The following AKAP8L variants were observed in gnomAD, a reference collection of about 807,000 sequenced individuals.
AKAP8L encodes A-kinase anchor protein 8-like.
Under a neutral mutation model 77.5 loss-of-function variants are expected in AKAP8L, and 34 were observed. That is an observed-to-expected ratio of 0.44 (90% CI 0.33 to 0.58). The LOEUF is 0.58. AKAP8L is among the 20% of genes least tolerant of loss of function. The pLI, the probability that AKAP8L is intolerant of heterozygous loss-of-function variation, is 0.02. For missense variants in AKAP8L, 806 were observed against 887.6 expected (o/e 0.91, Z 1.17); for synonymous variants, 342 against 340.7 (o/e 1.00, Z -0.04).
intron 1 of AKAP8L, 117 bp downstream of exon 1, chr19:15,418,794 G>T: frequency 9.8e-7 from 1 of 1,021,790 alleles, no homozygotes; most frequent in Non-Finnish European, 1.4e-6. Context: ...GCCATTTTGT[G>T]ACCGCAGGGA....
chr19:15,401,337 T>C lies in AKAP8L; in HGVS notation c.629A>G (p.Gln210Arg). 3 of 1,613,440 alleles carry C rather than the reference T, an allele frequency of 1.9e-6. No individual in the cohort carries two copies. The highest frequency in any genetic ancestry group is 2.5e-6 in the Non-Finnish European group (3 of 1,179,866). The change falls in exon 5 of 14, where the codon CAG becomes CGG. Residue 210 changes from glutamine (Q) to arginine (R), a missense_variant. Physicochemically the swap from Gln to Arg is conservative, Grantham distance 43. Transcript: ENST00000397410. The surrounding 1 kb of genome is among the most constrained non-coding windows in gnomAD (Gnocchi z 6.2). ...MWEDPMGARG[Q>R]CMSGASRLPS... ...CAGCCGAGAGGCACCAGACATGCAC[T>C]GGCCCCGGGCCCCCATGGGGTCTTC...
At chr19:15,394,400 A>C (rs2145122144) in intron 12 of AKAP8L, among the ~76,000 whole-genome samples, 1 of 152,302 alleles carries the variant, frequency 6.6e-6, no homozygotes, top group South Asian at 2.1e-4. Flanking sequence ...GTAGCTGCCT[A>C]AGGCTGGAGG....
chr19:15,415,642 C>T (rs1223502535), intron 1 of AKAP8L, among the ~76,000 whole-genome samples: 5 of 152,068 alleles, frequency 3.3e-5, no homozygotes, highest in South Asian at 2.1e-4. Context: ...ATCCCAGCAC[C>T]TTGGGAGGCC....
At position 15,380,542 on chromosome 19, in the gene AKAP8L, C is replaced by T. The variant is rs1172186914; in HGVS notation, c.1607G>A (p.Ser536Asn). The T allele has an allele frequency of 6.2e-6, 10 of 1,613,818 alleles. No homozygotes were observed. Among genetic ancestry groups the T allele is most frequent in the Admixed American group, 1.7e-5 (1 of 60,004 alleles). The stretch of plus-strand genomic sequence containing the variant: ...CTTCAGGTAGCGCTCCAGCTTCTTG[C>T]TGATGAGCTTGTTGTTGAGAATACT... ...ARSILNNKLI[S>N]KKLERYLKGE... The change falls in exon 13 of 14, where the codon AGC (serine) becomes AAC (asparagine). Residue 536 changes from serine to asparagine, a missense_variant. Transcript: ENST00000397410.
chr19:15,413,743 G>C (rs775310824), intron 1 of AKAP8L, among the ~76,000 whole-genome samples: 1 of 152,136 alleles, frequency 6.6e-6, no homozygotes, highest in African/African-American at 2.4e-5. Flanking sequence ...TCAGCAATTG[G>C]GCCACCAGTA....
At chr19:15,389,827 A>G (rs912620235) in intron 12 of AKAP8L, among the ~76,000 whole-genome samples, 1 of 152,190 alleles carries the variant, frequency 6.6e-6, no homozygotes, top group African/African-American at 2.4e-5. Context: ...AGAGATGCAC[A>G]AAGACATAAT....
intron 12 of AKAP8L, chr19:15,383,472 G>C (rs995875948): frequency 5.9e-5 from 9 of 151,662 alleles, no homozygotes; most frequent in African/African-American, 1.9e-4. Flanking sequence ...GGGATTGCAG[G>C]TGTGAGCCAC....
Position 15,418,952 on chromosome 19 carries a change from G to A in AKAP8L, c.-29C>T, listed in dbSNP as rs772585423. 5 of 1,603,866 alleles carry A rather than the reference G, an allele frequency of 3.1e-6. No individual in the cohort carries two copies. Among genetic ancestry groups the A allele is most frequent in the African/African-American group, 2.7e-5 (2 of 74,914 alleles). On this transcript the variant is annotated 5_prime_UTR_variant, in exon 1 of 14. Transcript: ENST00000397410. Reference sequence around the variant, plus strand: ...GGCGGGCAACACAACATCCGACGACGCCGGCTTCTGCTGCTCTGAACATCC... The same window carrying A: ...GGCGGGCAACACAACATCCGACGACACCGGCTTCTGCTGCTCTGAACATCC...
rs955414140 is a variant in AKAP8L, at chr19:15,418,433, A to G, written c.13+478T>C. Among the ~76,000 whole-genome samples the G allele has an allele frequency of 6.1e-5, 9 of 148,176 alleles. No individual in the cohort carries two copies. The East Asian group carries it at 1.1e-3, about 17-fold the overall frequency. On this transcript the variant is annotated intron_variant, in intron 1 of 13. Coordinates refer to ENST00000397410, the MANE Select transcript of AKAP8L (RefSeq NM_014371.4). ...CTGGCGCCTTTCCCAGTTCTGAAATAGACAAAAGGGGGTGGTGGGTGGGAT... is the reference window on the plus strand; with the variant it reads ...CTGGCGCCTTTCCCAGTTCTGAAATGGACAAAAGGGGGTGGTGGGTGGGAT...
At chr19:15,382,230 C>T (rs1182689463) in intron 12 of AKAP8L, among the ~76,000 whole-genome samples, 5 of 138,622 alleles carry the variant, frequency 3.6e-5, no homozygotes, top group African/African-American at 5.5e-5. Context: ...TTTTTTAAGA[C>T]AGTCTCGCTC....
chr19:15,401,468 G>A lies in AKAP8L; in HGVS notation c.498C>T (p.Asp166=), dbSNP rs373765827. The A allele has an allele frequency of 6.2e-7, 1 of 1,613,694 alleles. No individual in the cohort carries two copies. The highest frequency in any genetic ancestry group is 8.5e-7 in the Non-Finnish European group (1 of 1,179,906). ...TGTCGTTGCCACGCATGCGGAACTGGTCGCGGTAGGCATCGTATTGGCCCT... is the reference window on the plus strand; with the variant it reads ...TGTCGTTGCCACGCATGCGGAACTGATCGCGGTAGGCATCGTATTGGCCCT... ...AYEGQYDAYR[D]QFRMRGNDTF... Residue 166 remains aspartate (D), a synonymous_variant, in exon 5 of 14, where the codon GAC becomes GAT. Transcript: ENST00000397410. This position sits in a 1 kb window ranked among gnomAD's most constrained non-coding sequence, Gnocchi z 6.2.
chr19:15,400,293 A>G lies in AKAP8L; in HGVS notation c.1048+2T>C. On this transcript the variant is annotated splice_donor_variant, in intron 8 of 13. Coordinates refer to ENST00000397410, the MANE Select transcript of AKAP8L (RefSeq NM_014371.4). LOFTEE classifies it high-confidence loss of function. ...AGCACCAGGCACCCCAGGAAAACTC[A>G]CCCTTCTCTGGATCCTCTTTGCCTT... is the stretch of plus-strand genomic sequence containing the variant. 2 of 1,608,260 alleles carry G rather than the reference A, an allele frequency of 1.2e-6. No homozygotes were observed. Among genetic ancestry groups the G allele is most frequent in the Non-Finnish European group, 1.7e-6 (2 of 1,177,736 alleles).
rs1438669365 is a variant in AKAP8L at position 15,403,526 on chromosome 19, T to A, written c.311A>T (p.His104Leu). The change falls in exon 4 of 14, where the codon CAT becomes CTT. Residue 104 changes from histidine (H) to leucine (L), a missense_variant. Coordinates refer to ENST00000397410, the MANE Select transcript of AKAP8L (RefSeq NM_014371.4). The surrounding 1 kb of genome is among the most constrained non-coding windows in gnomAD (Gnocchi z 4.3). The part of the protein sequence containing the change: ...RINQRLDMVP[H>L]LETDMMQGGV... ...TCCTTGCATCATGTCTGTCTCCAAATGCGGCACCATATCTAAGCGCTGGTT... is the reference window on the plus strand; with the variant it reads ...TCCTTGCATCATGTCTGTCTCCAAAAGCGGCACCATATCTAAGCGCTGGTT... 1 of 1,613,826 alleles carries A rather than the reference T, an allele frequency of 6.2e-7. No individual in the cohort carries two copies. The highest frequency in any genetic ancestry group is 1.3e-5 in the African/African-American group (1 of 74,892).
rs1011614619 is a variant in AKAP8L, at chr19:15,399,156, C to T, written c.1157+146G>A. 9.8e-6 allele frequency: 7 copies of T among 710,966 alleles called. No individual in the cohort carries two copies. The highest frequency in any genetic ancestry group is 3.5e-5 in the South Asian group (2 of 57,264). 44.0% of individuals were successfully genotyped at this position (710,966 alleles called of 1,614,324 possible). On this transcript the variant is annotated intron_variant, in intron 9 of 13. Coordinates refer to ENST00000397410, the MANE Select transcript of AKAP8L (RefSeq NM_014371.4). This position sits in a 1 kb window ranked among gnomAD's most constrained non-coding sequence, Gnocchi z 6.1. Reference sequence around the variant, plus strand: ...GTCAGGCCTTGGGAGCTGGGCCTGGCGGGAAGCAGGGTCCATGCACGGCCG... The same window carrying T: ...GTCAGGCCTTGGGAGCTGGGCCTGGTGGGAAGCAGGGTCCATGCACGGCCG...
rs1419175359 is a variant in AKAP8L at position 15,403,554 on chromosome 19, T to C, written c.283A>G (p.Ile95Val). 1.2e-6 allele frequency: 2 copies of C among 1,613,858 alleles called. No individual in the cohort carries two copies. The highest frequency in any genetic ancestry group is 8.5e-7 in the Non-Finnish European group (1 of 1,179,900). The change falls in exon 4 of 14, where the codon ATT becomes GTT. Residue 95 changes from isoleucine to valine, a missense_variant. Around this residue, in one of 2 missense-constraint regions of AKAP8L, gnomAD observed 580 missense variants for 694.1 expected, o/e 0.84. Transcript: ENST00000397410. This position sits in a 1 kb window ranked among gnomAD's most constrained non-coding sequence, Gnocchi z 4.3. ...SASADSVLSR[I>V]NQRLDMVPHL... The stretch of plus-strand genomic sequence containing the variant: ...GGCACCATATCTAAGCGCTGGTTAA[T>C]TCTGGATAAAACGGAATCGGCACTG...
At chr19:15,414,767 C>G (rs373558823) in intron 1 of AKAP8L, among the ~76,000 whole-genome samples, 217 of 152,186 alleles carry the variant, frequency 1.4e-3, no homozygotes, top group Non-Finnish European at 2.2e-3. Context: ...GGATTACAGG[C>G]GTGAGCCACC....
intron 2 of AKAP8L, among the ~76,000 whole-genome samples, chr19:15,406,362 G>GGGGAGAGAGAGAGAGAGAGAGAGA (rs1555700853): frequency 1.1e-5 from 1 of 89,380 alleles, no homozygotes; most frequent in African/African-American, 5.1e-5. Flanking sequence ...GAAATTTTAA[G>GGGGAGAGAGAGAGAGAGAGAGAGA]GAGAGAGAGA....
intron 7 of AKAP8L, 93 bp downstream of exon 7, chr19:15,400,701 C>G (rs753658875): frequency 7.0e-7 from 1 of 1,438,432 alleles, no homozygotes; most frequent in Non-Finnish European, 9.7e-7. Context: ...GCAGAGCTGA[C>G]ACAGCATTGC....
intron 6 of AKAP8L, 23 bp from the exon 7 acceptor site, chr19:15,400,887 C>T: frequency 1.2e-6 from 2 of 1,613,960 alleles, no homozygotes; most frequent in Non-Finnish European, 1.7e-6. Context: ...AGGAGGTAAG[C>T]TCAACCCAGG....
Sources: allele counts gnomAD v4.1 joint callset (sites outside exome capture counted in the v4.1 genomes callset), GRCh38; gene constraint gnomAD v4.1.1; regional missense constraint gnomAD v4.1.1; non-coding constraint Gnocchi (gnomAD v3.1); transcripts MANE v1.5; gene names NCBI Gene and HGNC (gene_info 2026-07-23, HGNC 2026-07-21).